The following NEB variants were observed in gnomAD, a reference collection of about 807,000 sequenced individuals.
NEB encodes the protein nebulin, also known as nemaline myopathy type 2.
Under a neutral mutation model 952.2 loss-of-function variants are expected in NEB, and 512 were observed. That is an observed-to-expected ratio of 0.54 (90% confidence interval 0.50 to 0.58). The LOEUF (loss-of-function observed/expected upper bound fraction) is 0.58, where lower values mean the gene tolerates loss of function less well. Ranked by LOEUF, NEB falls within the 20% of genes least tolerant of loss-of-function variation. NEB has a pLI of 0.00. For missense variants in NEB, 8,428 were observed against 9,231.1 expected (o/e 0.91, Z 3.56); for synonymous variants, 2,900 against 3,149.8 (o/e 0.92, Z 2.66).
intron 135 of NEB, among the ~76,000 whole-genome samples, chr2:151,545,423 A>C (rs886393301): frequency 6.6e-6 from 1 of 151,778 alleles, no homozygotes; most frequent in Non-Finnish European, 1.5e-5. Flanking sequence ...TAAAAATACA[A>C]AATTAGCCAG....
chr2:151,615,346 G>C (rs1048793078), intron 76 of NEB, among the ~76,000 whole-genome samples: 1 of 152,220 alleles, frequency 6.6e-6, no homozygotes, highest in African/African-American at 2.4e-5. Context: ...GGAAAGTCTG[G>C]ATTTGAGTCC....
chr2:151,714,975 G>A (rs1375287423), intron 10 of NEB, among the ~76,000 whole-genome samples: 1 of 152,188 alleles, frequency 6.6e-6, no homozygotes, highest in Admixed American at 6.5e-5. Context: ...TATTTTGGAT[G>A]CACAATAGTC....
Position 151,610,599 on chromosome 2 carries a change from C to T in NEB, c.11935G>A (p.Glu3979Lys). 2 of 1,613,490 alleles carry T rather than the reference C, an allele frequency of 1.2e-6. No homozygotes were observed. Among genetic ancestry groups the T allele is most frequent in the South Asian group, 1.1e-5 (1 of 91,060 alleles). Residue 3979 changes from glutamate (E) to lysine (K), a missense_variant, in exon 80 of 182, where the codon GAA becomes AAA. By Grantham distance (56) the Glu-to-Lys change is moderately conservative. This residue lies in a region of NEB where 337 missense variants were observed against 297.5 expected (regional missense o/e 1.13). Transcript: ENST00000397345. ...AGATCATAGTCCTTCATCTTTGATT[C>T]ATCCCATCCCTTGGTGTAAAGTTTC... ...SQKLYTKGWDESKMKDYDLRA... is the reference protein window; with the variant it reads ...SQKLYTKGWDKSKMKDYDLRA...
At chr2:151,644,921 AC>A in intron 55 of NEB, among the ~76,000 whole-genome samples, 1 of 152,326 alleles carries the variant, frequency 6.6e-6, no homozygotes, top group East Asian at 1.9e-4. Flanking sequence ...CCTAGTACAC[AC>A]CTAGGCTATA....
rs1282885175 is a variant in NEB at position 151,719,521 on chromosome 2, T to C, written c.718-2001A>G. Among the ~76,000 whole-genome samples the C allele has an allele frequency of 2.6e-5, 4 of 152,142 alleles. 1 individual carries two copies. The highest frequency in any genetic ancestry group is 2.6e-4 in the Admixed American group (4 of 15,278). The stretch of plus-strand genomic sequence containing the variant: ...AAAGCTTTCATGGACATCAAATCAA[T>C]TGGGATACAAAAGACAGATTTTGAA... On this transcript the variant is annotated intron_variant, in intron 9 of 181. Coordinates refer to ENST00000397345, the MANE Select transcript of NEB (RefSeq NM_001164508.2).
At chr2:151,614,649 T>A in intron 76 of NEB, 62 bp from the exon 77 acceptor site, 1 of 1,476,268 alleles carries the variant, frequency 6.8e-7, no homozygotes, top group Non-Finnish European at 9.3e-7. Context: ...GTTTCATAGG[T>A]TCACATTCAC....
At position 151,688,372 on chromosome 2, in the gene NEB, C is replaced by T. The variant is rs1390236645; in HGVS notation, c.2335G>A (p.Gly779Ser). ...GGTATATGGCACTTGAACTTCTCAC[C>T]TTCATGTTTTGCTTTGTAATTCAGC... is the stretch of plus-strand genomic sequence containing the variant. ...SDLNYKAKHE[G>S]EKFKCHIPAD... The change falls in exon 25 of 182, where the codon GGT (glycine) becomes AGT (serine). Residue 779 changes from glycine (G) to serine (S), a missense_variant. Around this residue, in one of 11 missense-constraint regions of NEB, gnomAD observed 2,851 missense variants for 2,791.5 expected, o/e 1.02. Coordinates refer to ENST00000397345, the MANE Select transcript of NEB (RefSeq NM_001164508.2). 2.5e-6 allele frequency: 4 copies of T among 1,613,726 alleles called. No homozygotes were observed. The highest frequency in any genetic ancestry group is 2.2e-5 in the South Asian group (2 of 91,052).
chr2:151,689,043 G>A (rs962833919), intron 24 of NEB, among the ~76,000 whole-genome samples: 9 of 152,080 alleles, frequency 5.9e-5, no homozygotes, highest in Non-Finnish European at 1.3e-4. Context: ...GCTGCCAGCT[G>A]CCATTGCATA....
At chr2:151,504,624 C>A (rs552504401) in intron 165 of NEB, among the ~76,000 whole-genome samples, 47 of 152,262 alleles carry the variant, frequency 3.1e-4, no homozygotes, top group African/African-American at 1.1e-3. Flanking sequence ...CTCCATTGAC[C>A]AGGGGAATCC....
rs996538018 is a variant in NEB at position 151,492,150 on chromosome 2, T to C, written c.25005A>G (p.Lys8335=). ...TCCGTTTTTGTTCCATTTCTACCAC[T>C]TTCCTCTGAATACCTCGGTAGTTAA... ...SDINYRGIQR[K]VVEMEQKRND... The change falls in exon 178 of 182, where the codon AAA becomes AAG. Residue 8335 remains lysine, a synonymous_variant. Transcript: ENST00000397345. The C allele has an allele frequency of 6.2e-7, 1 of 1,613,940 alleles. No individual in the cohort carries two copies. The highest frequency in any genetic ancestry group is 8.5e-7 in the Non-Finnish European group (1 of 1,179,870).
intron 44 of NEB, 117 bp downstream of exon 44, chr2:151,664,384 T>A: frequency 1.5e-6 from 1 of 667,358 alleles, no homozygotes; most frequent in Non-Finnish European, 2.5e-6. Context: ...TTGTGTCACA[T>A]GGGATGGCAT....
rs77669964 is a variant in NEB at position 151,708,683 on chromosome 2, C to T, written c.1035+973G>A. On this transcript the variant is annotated intron_variant, in intron 12 of 181. Coordinates refer to ENST00000397345, the MANE Select transcript of NEB (RefSeq NM_001164508.2). ...CCCTGAAACTTCAGGCTCATGTAGT[C>T]GACTGACCTCTGACACTTCCATGTG... Among the ~76,000 whole-genome samples, 136 of 152,296 alleles carry T rather than the reference C, an allele frequency of 8.9e-4. 2 individuals are homozygous for T. Among genetic ancestry groups the T allele is most frequent in the African/African-American group, 2.9e-3 (121 of 41,574 alleles).
intron 109 of NEB, 130 bp from the exon 110 acceptor site, chr2:151,569,502 C>T (rs562443128): frequency 1.2e-4 from 84 of 705,150 alleles, no homozygotes; most frequent in Middle Eastern, 4.8e-4. Flanking sequence ...CAAGCAGCCA[C>T]GCAGGTAATG....
intron 181 of NEB, chr2:151,486,222 A>T (rs2152639179): frequency 3.3e-6 from 1 of 301,378 alleles, no homozygotes; most frequent in South Asian, 6.7e-5. Flanking sequence ...AAAAAGATAG[A>T]CAAATAGCCA....
chr2:151,691,913 G>A lies in NEB; in HGVS notation c.2162C>T (p.Thr721Ile), dbSNP rs749168085. ...GATTGCTTCATATTCTTGTGTTATT[G>A]TCTGAGGGAAATAGCATTTTCCTTT... ...EDKGKCYFPQTITQEYEAIKK... is the reference protein window; with the variant it reads ...EDKGKCYFPQIITQEYEAIKK... Residue 721 changes from threonine (T) to isoleucine (I), a missense_variant, in exon 23 of 182, where the codon ACA becomes ATA. This residue lies in a region of NEB where 2,851 missense variants were observed against 2,791.5 expected (regional missense o/e 1.02). Coordinates refer to ENST00000397345, the MANE Select transcript of NEB (RefSeq NM_001164508.2). The A allele has an allele frequency of 4.0e-5, 64 of 1,607,076 alleles. No homozygotes were observed. Among genetic ancestry groups the A allele is most frequent in the Non-Finnish European group, 5.0e-5 (59 of 1,175,906 alleles).
rs756871030 is a variant in NEB at position 151,616,092 on chromosome 2, A to G, written c.11199T>C (p.Ala3733=). 2.5e-5 allele frequency: 40 copies of G among 1,612,000 alleles called. No homozygotes were observed. Among genetic ancestry groups the G allele is most frequent in the Non-Finnish European group, 3.1e-5 (37 of 1,178,964 alleles). Residue 3733 remains alanine (A), a synonymous_variant, in exon 76 of 182, where the codon GCT becomes GCC. Coordinates refer to ENST00000397345, the MANE Select transcript of NEB (RefSeq NM_001164508.2). The part of the protein sequence containing the change: ...INYSDKLYKL[A]LEESKKEGYD... Reference sequence around the variant, plus strand: ...AGCCTTCCTTCTTGGACTCTTCCAAAGCAAGTTTATAGAGTTTCTGTAGAA... The same window carrying G: ...AGCCTTCCTTCTTGGACTCTTCCAAGGCAAGTTTATAGAGTTTCTGTAGAA...
chr2:151,610,195 T>A, intron 80 of NEB, 75 bp from the exon 81 acceptor site: 1 of 1,242,280 alleles, frequency 8.0e-7, no homozygotes, highest in East Asian at 2.4e-5. Flanking sequence ...ACAGACAACA[T>A]GAAATGGACA....
At chr2:151,675,925 T>A (rs1342409808) in intron 34 of NEB, among the ~76,000 whole-genome samples, 1 of 152,198 alleles carries the variant, frequency 6.6e-6, no homozygotes, top group Non-Finnish European at 1.5e-5. Context: ...CCTATGTTGT[T>A]ACTTTAAAGA....
intron 71 of NEB, among the ~76,000 whole-genome samples, chr2:151,624,220 C>T (rs186381848): frequency 6.6e-6 from 1 of 152,008 alleles, no homozygotes; most frequent in African/African-American, 2.4e-5. Flanking sequence ...TAATATATTG[C>T]ACTGTGGTGA....
Sources: allele counts gnomAD v4.1 joint callset (sites outside exome capture counted in the v4.1 genomes callset), GRCh38; gene constraint gnomAD v4.1.1; regional missense constraint gnomAD v4.1.1; transcripts MANE v1.5; gene names NCBI Gene and HGNC (gene_info 2026-07-23, HGNC 2026-07-21).